The following TSPAN5 variants were observed in gnomAD, a reference collection of about 807,000 sequenced individuals.
TSPAN5 encodes the protein tetraspanin-5.
Under a neutral mutation model 37.1 loss-of-function variants are expected in TSPAN5, and 10 were observed. That is an observed-to-expected ratio of 0.27 (90% confidence interval 0.17 to 0.46). TSPAN5 has a LOEUF of 0.46. Ranked by LOEUF, TSPAN5 falls within the 20% of genes least tolerant of loss-of-function variation. The pLI, the probability that TSPAN5 is intolerant of heterozygous loss-of-function variation, is 1.00. For missense variants in TSPAN5, 195 were observed against 326.6 expected (o/e 0.60, Z 3.11); for synonymous variants, 110 against 118.9 (o/e 0.93, Z 0.48).
Position 98,472,323 on chromosome 4 carries a change from C to A in TSPAN5, c.*199G>T. The stretch of plus-strand genomic sequence containing the variant: ...TAGAGATTCACGGCGCAACGACTTT[C>A]ATACTGGTTATTTTTTTTTTTAATT... On this transcript the variant is annotated 3_prime_UTR_variant, in exon 8 of 8. Transcript: ENST00000305798. 2.1e-6 allele frequency: 1 copy of A among 476,808 alleles called. No individual in the cohort carries two copies. The allele number at this position is 476,808 out of a possible 1,614,324, so 29.5% of individuals were successfully genotyped here. A position where few individuals can be genotyped will look rare whatever the true frequency, so the allele number is the denominator to read the frequency against.
At chr4:98,525,418 G>A (rs1753939402) in intron 1 of TSPAN5, among the ~76,000 whole-genome samples, 1 of 152,120 alleles carries the variant, frequency 6.6e-6, no homozygotes, top group Non-Finnish European at 1.5e-5. Flanking sequence ...GTGTCCACAC[G>A]GTCCCTGTCT....
intron 1 of TSPAN5, among the ~76,000 whole-genome samples, chr4:98,617,295 T>C (rs1485639958): frequency 1.3e-5 from 2 of 152,160 alleles, no homozygotes; most frequent in African/African-American, 4.8e-5. Flanking sequence ...GTCTGGCCTC[T>C]TCATTTTATA....
Position 98,623,746 on chromosome 4 carries a change from C to A in TSPAN5, c.81+34400G>T, listed in dbSNP as rs548997134. ...AACCCATCCCTTACTCCTTTGGTGGCTTTCAACATTAATACAAAATTGGGA... is the reference window on the plus strand; with the variant it reads ...AACCCATCCCTTACTCCTTTGGTGGATTTCAACATTAATACAAAATTGGGA... On this transcript the variant is annotated intron_variant, in intron 1 of 7. Transcript: ENST00000305798. Among the ~76,000 whole-genome samples, 6 of 152,278 alleles carry A rather than the reference C, an allele frequency of 3.9e-5. No individual in the cohort carries two copies. The South Asian group carries it at 1.2e-3, about 32-fold the overall frequency.
At chr4:98,599,355 G>C (rs535012710) in intron 1 of TSPAN5, among the ~76,000 whole-genome samples, 14 of 152,114 alleles carry the variant, frequency 9.2e-5, no homozygotes, top group African/African-American at 2.6e-4. Context: ...CAAATCTAAA[G>C]AAACAAGGTC....
At chr4:98,608,800 C>A (rs1756104250) in intron 1 of TSPAN5, among the ~76,000 whole-genome samples, 1 of 152,192 alleles carries the variant, frequency 6.6e-6, no homozygotes, top group Non-Finnish European at 1.5e-5. Context: ...TTCTCTCTGA[C>A]TTGAAGTTGA....
chr4:98,507,549 CA>C, intron 2 of TSPAN5, 128 bp downstream of exon 2: 1 of 588,694 alleles, frequency 1.7e-6, no homozygotes. Flanking sequence ...AATCTTCCAC[CA>C]ACACTTTTTC....
intron 1 of TSPAN5, among the ~76,000 whole-genome samples, chr4:98,521,132 A>G (rs1295436122): frequency 1.3e-5 from 2 of 152,140 alleles, no homozygotes; most frequent in African/African-American, 4.8e-5. Flanking sequence ...GGGTTTCACC[A>G]TGTTGGTCAG....
At chr4:98,538,039 T>C (rs1754276598) in intron 1 of TSPAN5, among the ~76,000 whole-genome samples, 1 of 152,248 alleles carries the variant, frequency 6.6e-6, no homozygotes, top group Admixed American at 6.5e-5. Flanking sequence ...CTTTGGCACC[T>C]GAGGTGCTGG....
chr4:98,610,030 G>A (rs148997791), intron 1 of TSPAN5, among the ~76,000 whole-genome samples: 44 of 152,300 alleles, frequency 2.9e-4, no homozygotes, highest in African/African-American at 6.0e-4. Flanking sequence ...CAAAGGCCCC[G>A]GGCCTAGACA....
chr4:98,602,410 G>A (rs1755903453), intron 1 of TSPAN5, among the ~76,000 whole-genome samples: 1 of 152,170 alleles, frequency 6.6e-6, no homozygotes. Flanking sequence ...TGATAAGGAG[G>A]AAGCCTGTGG....
chr4:98,534,435 A>G (rs1301770082), intron 1 of TSPAN5, among the ~76,000 whole-genome samples: 1 of 152,162 alleles, frequency 6.6e-6, no homozygotes, highest in Admixed American at 6.5e-5. Context: ...TTTACTTCCA[A>G]TTATGTGGTC....
intron 1 of TSPAN5, among the ~76,000 whole-genome samples, chr4:98,615,761 T>A (rs1431735261): frequency 6.6e-6 from 1 of 152,146 alleles, no homozygotes; most frequent in Admixed American, 6.5e-5. Context: ...CACATATTGA[T>A]TCTTAGACTC....
At chr4:98,479,078 C>T (rs1050880516) in intron 4 of TSPAN5, among the ~76,000 whole-genome samples, 2 of 152,182 alleles carry the variant, frequency 1.3e-5, no homozygotes, top group Non-Finnish European at 2.9e-5. Context: ...AGCAGCTGTA[C>T]AGCAGGGCTC....
At chr4:98,602,111 T>C (rs1325239258) in intron 1 of TSPAN5, among the ~76,000 whole-genome samples, 1 of 151,884 alleles carries the variant, frequency 6.6e-6, no homozygotes, top group Non-Finnish European at 1.5e-5. Flanking sequence ...ATAGTAACAA[T>C]GAAAAAGTAT....
intron 1 of TSPAN5, among the ~76,000 whole-genome samples, chr4:98,513,043 C>T (rs965976673): frequency 1.3e-5 from 2 of 152,116 alleles, no homozygotes; most frequent in African/African-American, 4.8e-5. Flanking sequence ...ACATGTAGTC[C>T]AAAGGATGAG....
rs149546152 is a variant in TSPAN5 at position 98,558,128 on chromosome 4, T to G, written c.82-50400A>C. Reference sequence around the variant, plus strand: ...AAATGCAGTATATTAACATGTAAGGTGTTAGAAATACTTGTTCCCCGGTGA... The same window carrying G: ...AAATGCAGTATATTAACATGTAAGGGGTTAGAAATACTTGTTCCCCGGTGA... On this transcript the variant is annotated intron_variant, in intron 1 of 7. Coordinates refer to ENST00000305798, the MANE Select transcript of TSPAN5 (RefSeq NM_005723.4). Among the ~76,000 whole-genome samples the G allele has an allele frequency of 2.1e-3, 319 of 152,304 alleles. 2 individuals are homozygous for G. The highest frequency in any genetic ancestry group is 7.3e-3 in the African/African-American group (302 of 41,566).
chr4:98,504,300 A>T (rs1316900880), intron 2 of TSPAN5, among the ~76,000 whole-genome samples: 1 of 152,182 alleles, frequency 6.6e-6, no homozygotes, highest in Non-Finnish European at 1.5e-5. Context: ...TCAGCTCAGC[A>T]GGTGCAGTGT....
chr4:98,495,586 T>G (rs562819002), intron 2 of TSPAN5, among the ~76,000 whole-genome samples: 1 of 151,710 alleles, frequency 6.6e-6, no homozygotes, highest in Non-Finnish European at 1.5e-5. Flanking sequence ...TCCTCATTAG[T>G]GCCTTATTCA....
chr4:98,601,505 A>G (rs1755881032), intron 1 of TSPAN5, among the ~76,000 whole-genome samples: 1 of 152,148 alleles, frequency 6.6e-6, no homozygotes, highest in Non-Finnish European at 1.5e-5. Context: ...AAACCTCATG[A>G]ACCAACTTTG....
Sources: allele counts gnomAD v4.1 joint callset (sites outside exome capture counted in the v4.1 genomes callset), GRCh38; gene constraint gnomAD v4.1.1; transcripts MANE v1.5; gene names NCBI Gene and HGNC (gene_info 2026-07-23, HGNC 2026-07-21).